The following DCTN4 variants were observed in gnomAD, a reference collection of about 807,000 sequenced individuals.
The protein encoded by DCTN4 is dynactin subunit 4.
DCTN4 carries 23 observed loss-of-function variants against 62.7 expected under a neutral mutation model. That is an observed-to-expected ratio of 0.37 (90% CI 0.26 to 0.52). DCTN4 has a LOEUF of 0.52. DCTN4 is among the 20% of genes least tolerant of loss of function. The probability of loss-of-function intolerance (pLI) is 0.92; values close to 1 mark genes in which losing one functional copy is unlikely to be tolerated. For missense variants in DCTN4, 514 were observed against 580.4 expected, an observed-to-expected ratio of 0.89 and a Z score of 1.18; for synonymous variants, 199 against 202.1, an observed-to-expected ratio of 0.98 and a Z score of 0.13.
rs1193019972 is a variant in DCTN4 at position 150,709,154 on chromosome 5, T to C, written c.*1995A>G. On this transcript the variant is annotated 3_prime_UTR_variant, in exon 13 of 13. Transcript: ENST00000447998. Reference sequence around the variant, plus strand: ...GAACACACAGAATACTAGCTTACACTAAAACCTATCTTGAGGAAACATTAA... The same window carrying C: ...GAACACACAGAATACTAGCTTACACCAAAACCTATCTTGAGGAAACATTAA... 2.0e-5 allele frequency: 3 copies of C among 152,822 alleles called. No individual in the cohort carries two copies. In the East Asian group the frequency reaches 5.6e-4, roughly 29 times the overall value. The allele number at this position is 152,822 out of a possible 1,614,324, so 9.5% of individuals were successfully genotyped here. A position where few individuals can be genotyped will look rare whatever the true frequency, so the allele number is the denominator to read the frequency against.
At chr5:150,728,648 T>G (rs1760241740) in intron 8 of DCTN4, among the ~76,000 whole-genome samples, 1 of 152,182 alleles carries the variant, frequency 6.6e-6, no homozygotes, top group Non-Finnish European at 1.5e-5. Context: ...ATTATCCCTC[T>G]TTTAAAAAAA....
intron 8 of DCTN4, among the ~76,000 whole-genome samples, 169 bp from the exon 9 acceptor site, chr5:150,723,149 A>G (rs982258041): frequency 6.6e-6 from 1 of 152,210 alleles, no homozygotes; most frequent in Non-Finnish European, 1.5e-5. Flanking sequence ...TTTATAAAAG[A>G]TGTTCGCACT....
intron 1 of DCTN4, chr5:150,758,070 AC>A: frequency 1.0e-6 from 1 of 984,478 alleles, no homozygotes. Context: ...CTTTTTCTTC[AC>A]TAAGACTATG....
chr5:150,746,584 T>C (rs1027122010), intron 3 of DCTN4, among the ~76,000 whole-genome samples: 43 of 152,260 alleles, frequency 2.8e-4, no homozygotes, highest in African/African-American at 1.0e-3. Context: ...AAAAAGCTTA[T>C]CCAACATGAT....
At position 150,731,444 on chromosome 5, in the gene DCTN4, C is replaced by T. The variant is rs750473466; in HGVS notation, c.583G>A (p.Ala195Thr). The T allele has an allele frequency of 1.4e-5, 23 of 1,613,856 alleles. No homozygotes were observed. The highest frequency in any genetic ancestry group is 3.3e-5 in the Admixed American group (2 of 60,004). ...AGTCCGGCAAGGGTACTGATGGATG[C>T]ACCAGCTCGTGGTCGCTGAAGCCTG... ...GTRLQRPRAG[A>T]SISTLAGLSL... is the part of the protein sequence containing the mutation. Residue 195 changes from alanine (A) to threonine (T), a missense_variant, in exon 6 of 13, where the codon GCA (alanine) becomes ACA (threonine). Physicochemically the swap from Ala to Thr is moderately conservative, Grantham distance 58 (BLOSUM62 0). Transcript: ENST00000447998.
chr5:150,743,794 C>T (rs1760858083), intron 3 of DCTN4, among the ~76,000 whole-genome samples: 1 of 152,110 alleles, frequency 6.6e-6, no homozygotes. Context: ...ATCTGTACAT[C>T]ACCATCATCA....
Position 150,710,289 on chromosome 5 carries a change from A to G in DCTN4, c.*860T>C, listed in dbSNP as rs185513405. 1 of 152,454 alleles carries G rather than the reference A, an allele frequency of 6.6e-6. No individual in the cohort carries two copies. Among genetic ancestry groups the G allele is most frequent in the Non-Finnish European group, 1.5e-5 (1 of 68,012 alleles). 9.4% of individuals were successfully genotyped at this position (152,454 alleles called of 1,614,324 possible). A position where few individuals can be genotyped will look rare whatever the true frequency, so the allele number is the denominator to read the frequency against. ...TCTTTTCCAGGTCCCAAACAGAACAACTTAACTGAGTTAAAGAGGCAGAAC... is the reference window on the plus strand; with the variant it reads ...TCTTTTCCAGGTCCCAAACAGAACAGCTTAACTGAGTTAAAGAGGCAGAAC... On this transcript the variant is annotated 3_prime_UTR_variant, in exon 13 of 13. Coordinates refer to ENST00000447998, the MANE Select transcript of DCTN4 (RefSeq NM_016221.4).
intron 5 of DCTN4, among the ~76,000 whole-genome samples, chr5:150,732,490 G>A (rs566213798): frequency 1.3e-5 from 2 of 152,264 alleles, no homozygotes; most frequent in African/African-American, 2.4e-5. Flanking sequence ...CAACCCTTAG[G>A]GTTTCAATGA....
chr5:150,722,078 A>C (rs1759973146), intron 9 of DCTN4, among the ~76,000 whole-genome samples: 1 of 152,162 alleles, frequency 6.6e-6, no homozygotes, highest in African/African-American at 2.4e-5. Context: ...CTCCTGACTC[A>C]GGCTTCCGAA....
At chr5:150,749,965 AAGAC>A (rs141602382) in intron 3 of DCTN4, among the ~76,000 whole-genome samples, 1,685 of 152,332 alleles carry the variant, frequency 0.011, 30 homozygotes, top group African/African-American at 0.037. Flanking sequence ...TAAATAAAAG[AAGAC>A]AGACAGGAAA....
At chr5:150,715,464 GAA>G (rs1475339784) in intron 12 of DCTN4, 99 bp downstream of exon 12, 1 of 852,006 alleles carries the variant, frequency 1.2e-6, no homozygotes, top group East Asian at 2.7e-5. Context: ...GAAACAGGAA[GAA>G]AAAAGTTATT....
At chr5:150,739,225 T>C (rs1293164567) in intron 4 of DCTN4, among the ~76,000 whole-genome samples, 1 of 149,456 alleles carries the variant, frequency 6.7e-6, no homozygotes, top group African/African-American at 2.5e-5. Context: ...TTTCAGGATA[T>C]GAAATCAATG....
At chr5:150,731,563 G>C in intron 5 of DCTN4, 74 bp from the exon 6 acceptor site, 1 of 1,248,324 alleles carries the variant, frequency 8.0e-7, no homozygotes. Flanking sequence ...AAGAATTTTG[G>C]GTAGGATAGC....
At chr5:150,733,732 C>T (rs1187194271) in intron 4 of DCTN4, 1 of 342,496 alleles carries the variant, frequency 2.9e-6, no homozygotes. Context: ...AACTTCATTA[C>T]TTATTTCCCC....
intron 3 of DCTN4, among the ~76,000 whole-genome samples, chr5:150,748,932 TATA>T (rs1203268574): frequency 1.3e-5 from 2 of 150,224 alleles, no homozygotes; most frequent in Admixed American, 6.6e-5. Flanking sequence ...AAACTTAAAG[TATA>T]ATAATAAGAA....
At chr5:150,739,545 CCAT>C (rs1213773553) in intron 4 of DCTN4, among the ~76,000 whole-genome samples, 3 of 152,140 alleles carry the variant, frequency 2.0e-5, no homozygotes, top group Non-Finnish European at 4.4e-5. Flanking sequence ...CACCAAAATA[CCAT>C]CATCATTCTT....
chr5:150,747,639 A>T (rs1383568205), intron 3 of DCTN4, among the ~76,000 whole-genome samples: 1 of 151,976 alleles, frequency 6.6e-6, no homozygotes, highest in Admixed American at 6.6e-5. Context: ...AATGCCGCAT[A>T]TCTACAACTA....
intron 9 of DCTN4, among the ~76,000 whole-genome samples, chr5:150,722,315 G>C (rs1759982919): frequency 6.6e-6 from 1 of 152,140 alleles, no homozygotes; most frequent in Non-Finnish European, 1.5e-5. Flanking sequence ...TATTAGAAAA[G>C]TATGATGAGA....
intron 3 of DCTN4, chr5:150,742,845 C>G: frequency 6.5e-6 from 1 of 154,778 alleles, no homozygotes; most frequent in South Asian, 2.0e-4. Flanking sequence ...TTAGGAGGAG[C>G]CAAGATGGCC....
Sources: allele counts gnomAD v4.1 joint callset (sites outside exome capture counted in the v4.1 genomes callset), GRCh38; gene constraint gnomAD v4.1.1; transcripts MANE v1.5; gene names NCBI Gene and HGNC (gene_info 2026-07-23, HGNC 2026-07-21).